CCDC110: variants seen among roughly 807,000 people sequenced by gnomAD.
The protein encoded by CCDC110 is coiled-coil domain containing 110.
A neutral mutation model predicts 77.1 loss-of-function variants in CCDC110; 70 were observed. The observed-to-expected ratio is 0.91, with a 90% CI of 0.75 to 1.11. The LOEUF (loss-of-function observed/expected upper bound fraction) is 1.11. CCDC110 is among the 50% of genes least tolerant of loss of function. The pLI, the probability that CCDC110 is intolerant of heterozygous loss-of-function variation, is 0.00. For missense variants in CCDC110, 868 were observed against 942.9 expected (o/e 0.92, Z 1.04); for synonymous variants, 295 against 312.5 (o/e 0.94, Z 0.59).
intron 6 of CCDC110, among the ~76,000 whole-genome samples, chr4:185,455,867 A>T (rs1213716918): frequency 1.3e-5 from 2 of 150,992 alleles, no homozygotes; most frequent in Non-Finnish European, 2.9e-5. Flanking sequence ...CGGGCTGACA[A>T]CAGTGAGACT....
intron 5 of CCDC110, 48 bp from the exon 6 acceptor site, chr4:185,460,286 G>T: frequency 7.2e-7 from 1 of 1,381,906 alleles, no homozygotes; most frequent in Non-Finnish European, 9.9e-7. Flanking sequence ...TTTGCCACAT[G>T]ATAAAGCAGT....
Position 185,459,343 on chromosome 4 carries a change from G to A in CCDC110, c.1244C>T (p.Ser415Phe), listed in dbSNP as rs974455251. 6.8e-6 allele frequency: 11 copies of A among 1,611,698 alleles called. No homozygotes were observed. The highest frequency in any genetic ancestry group is 9.3e-6 in the Non-Finnish European group (11 of 1,179,074). The change falls in exon 6 of 7, where the codon TCC (serine) becomes TTC (phenylalanine). Residue 415 changes from serine (S) to phenylalanine (F), a missense_variant. Transcript: ENST00000307588. ...CTGCTCAGTAACGGAATTAACTTTGGAAGTTTTCTCATTTTCAGATATTAT... is the reference window on the plus strand; with the variant it reads ...CTGCTCAGTAACGGAATTAACTTTGAAAGTTTTCTCATTTTCAGATATTAT... ...GSIISENEKT[S>F]KVNSVTEQCV...
Position 185,461,130 on chromosome 4 carries a change from G to A in CCDC110, c.267C>T (p.Asn89=). The change falls in exon 5 of 7, where the codon AAC becomes AAT. Residue 89 remains asparagine, a synonymous_variant. Coordinates refer to ENST00000307588, the MANE Select transcript of CCDC110 (RefSeq NM_152775.4). Reference sequence around the variant, plus strand: ...GGTTTTCTACTTCAATAATACTTTTGTTCAATATTTCACTGATTTCCGACT... The same window carrying A: ...GGTTTTCTACTTCAATAATACTTTTATTCAATATTTCACTGATTTCCGACT... The part of the protein sequence containing the change: ...MVQSEISEIL[N]KSIIEVENPQ... 6.3e-7 allele frequency: 1 copy of A among 1,586,938 alleles called. No homozygotes were observed. Among genetic ancestry groups the A allele is most frequent in the South Asian group, 1.2e-5 (1 of 86,724 alleles).
intron 2 of CCDC110, 28 bp from the exon 3 acceptor site, chr4:185,463,077 G>A: frequency 6.4e-7 from 1 of 1,571,266 alleles, no homozygotes; most frequent in Non-Finnish European, 8.7e-7. Flanking sequence ...AAAACCATGT[G>A]ACTTAATTCT....
intron 2 of CCDC110, among the ~76,000 whole-genome samples, chr4:185,470,052 A>G (rs1580206449): frequency 6.6e-6 from 1 of 152,258 alleles, no homozygotes; most frequent in South Asian, 2.1e-4. Flanking sequence ...TCCACCTTCA[A>G]TGTCCTCAGA....
rs1399960219 is a variant in CCDC110 at position 185,451,016 on chromosome 4, T to A, written c.2462-5474A>T. 1.2e-4 allele frequency among the ~76,000 whole-genome samples: 19 copies of A among 152,176 alleles called. 1 individual carries two copies. In the South Asian group the frequency reaches 2.1e-3, roughly 17 times the overall value. On this transcript the variant is annotated intron_variant, in intron 6 of 6. Coordinates refer to ENST00000307588, the MANE Select transcript of CCDC110 (RefSeq NM_152775.4). ...TATTGTGGGAGGGACCTGGTAGGAG[T>A]TAATTCAATCATGGAGGCAGCTTCC...
intron 2 of CCDC110, among the ~76,000 whole-genome samples, chr4:185,466,725 A>G (rs895820711): frequency 1.3e-5 from 2 of 151,922 alleles, no homozygotes; most frequent in Non-Finnish European, 2.9e-5. Flanking sequence ...GTGTGCCACC[A>G]CATCTGGCTA....
intron 6 of CCDC110, among the ~76,000 whole-genome samples, chr4:185,447,231 G>A (rs886583309): frequency 6.6e-6 from 1 of 151,258 alleles, no homozygotes; most frequent in Admixed American, 6.6e-5. Context: ...GCCCAGGCTG[G>A]AATGCAGTGG....
rs751239753 is a variant in CCDC110 at position 185,458,731 on chromosome 4, TTC to T, written c.1854_1855del (p.Lys619ArgfsTer19). ...TTGTTCCGTTTTTGCCAATCTTTCT[TTC>T]TCTTTTAGCTGGATTATCTCTAGCT... On this transcript the variant is annotated frameshift_variant, in exon 6 of 7. Coordinates refer to ENST00000307588, the MANE Select transcript of CCDC110 (RefSeq NM_152775.4). LOFTEE classifies it high-confidence loss of function. The T allele has an allele frequency of 6.2e-7, 1 of 1,605,214 alleles. No individual in the cohort carries two copies.
At position 185,466,202 on chromosome 4, in the gene CCDC110, T is replaced by C. The variant is rs375638426; in HGVS notation, c.116-3153A>G. Among the ~76,000 whole-genome samples the C allele has an allele frequency of 2.0e-4, 30 of 152,054 alleles. No individual in the cohort carries two copies. The East Asian group carries it at 3.1e-3, about 16-fold the overall frequency. On this transcript the variant is annotated intron_variant, in intron 2 of 6. Coordinates refer to ENST00000307588, the MANE Select transcript of CCDC110 (RefSeq NM_152775.4). Reference sequence around the variant, plus strand: ...CATCCTGGCTAACATGGTGAAACCCTGTCTCTACTAAAAATACAAAAAATT... The same window carrying C: ...CATCCTGGCTAACATGGTGAAACCCCGTCTCTACTAAAAATACAAAAAATT...
At position 185,459,362 on chromosome 4, in the gene CCDC110, ATAT is replaced by A. The variant is rs2095641764; in HGVS notation, c.1222_1224del (p.Ile408del). ...ACTTTGGAAGTTTTCTCATTTTCAG[ATAT>A]TATTGATCCTTGTTTTACTAGAAAT... is the stretch of plus-strand genomic sequence containing the variant. On this transcript the variant is annotated inframe_deletion, in exon 6 of 7. Transcript: ENST00000307588. 6.2e-7 allele frequency: 1 copy of A among 1,611,238 alleles called. No individual in the cohort carries two copies. Among genetic ancestry groups the A allele is most frequent in the Non-Finnish European group, 8.5e-7 (1 of 1,179,104 alleles).
intron 6 of CCDC110, among the ~76,000 whole-genome samples, chr4:185,448,221 G>T (rs531020142): frequency 6.6e-6 from 1 of 151,960 alleles, no homozygotes; most frequent in African/African-American, 2.4e-5. Flanking sequence ...GGGTTTTGCC[G>T]TGTTGGTCAG....
rs941517651 is a variant in CCDC110, at chr4:185,459,371, A to G, written c.1216T>C (p.Ser406Pro). 6.2e-7 allele frequency: 1 copy of G among 1,611,712 alleles called. No individual in the cohort carries two copies. Among genetic ancestry groups the G allele is most frequent in the African/African-American group, 1.3e-5 (1 of 74,732 alleles). ...GTTTTCTCATTTTCAGATATTATTG[A>G]TCCTTGTTTTACTAGAAATGGTTGT... ...ERQPFLVKQG[S>P]IISENEKTSK... The change falls in exon 6 of 7, where the codon TCA becomes CCA. Residue 406 changes from serine to proline, a missense_variant. By Grantham distance (74) the Ser-to-Pro change is moderately conservative. Coordinates refer to ENST00000307588, the MANE Select transcript of CCDC110 (RefSeq NM_152775.4).
In CCDC110 at chr4:185,460,192, T is replaced by C. The variant is rs1186186381; in HGVS notation, c.395A>G (p.His132Arg). 6.2e-7 allele frequency: 1 copy of C among 1,610,118 alleles called. No individual in the cohort carries two copies. Among genetic ancestry groups the C allele is most frequent in the East Asian group, 2.2e-5 (1 of 44,836 alleles). The change falls in exon 6 of 7, where the codon CAT (histidine) becomes CGT (arginine). Residue 132 changes from histidine (H) to arginine (R), a missense_variant. Transcript: ENST00000307588. ...EENLSMEKSH[H>R]FEDSKTLHSV... ...ATGAAGTGTCTTGGAATCCTCAAAA[T>C]GATGACTTTTCTCCATAGAAAGGTT...
At chr4:185,449,522 T>TAAAA in intron 6 of CCDC110, 4 of 827,046 alleles carry the variant, frequency 4.8e-6, no homozygotes, top group Middle Eastern at 2.5e-4. Context: ...GACCCGGTCT[T>TAAAA]AAAAAAAAAA....
intron 2 of CCDC110, among the ~76,000 whole-genome samples, chr4:185,463,713 G>A (rs1356138767): frequency 1.3e-5 from 2 of 152,152 alleles, no homozygotes; most frequent in African/African-American, 4.8e-5. Context: ...CCTTTGTTCT[G>A]CTTAAGTGTG....
chr4:185,458,456 T>C lies in CCDC110; in HGVS notation c.2131A>G (p.Thr711Ala), dbSNP rs533755840. The part of the protein sequence containing the change: ...CEMLSKMVME[T>A]KTDNQILKEE... ...TTTAGAATCTGATTATCTGTTTTGG[T>C]TTCCATTACCATTTTTGATAACATT... is the stretch of plus-strand genomic sequence containing the variant. The change falls in exon 6 of 7, where the codon ACC (threonine) becomes GCC (alanine). Residue 711 changes from threonine (T) to alanine (A), a missense_variant. Thr to Ala is a moderately conservative substitution (Grantham distance 58, BLOSUM62 0). Transcript: ENST00000307588. 1.9e-6 allele frequency: 3 copies of C among 1,600,412 alleles called. No homozygotes were observed. The highest frequency in any genetic ancestry group is 2.2e-5 in the East Asian group (1 of 44,696).
At chr4:185,460,677 C>A (rs890111874) in intron 5 of CCDC110, among the ~76,000 whole-genome samples, 1 of 152,172 alleles carries the variant, frequency 6.6e-6, no homozygotes, top group Non-Finnish European at 1.5e-5. Flanking sequence ...AGTGTGAGTT[C>A]GAGTCAGTGT....
Position 185,445,512 on chromosome 4 carries a change from T to G in CCDC110, c.2492A>C (p.Lys831Thr). 6.3e-7 allele frequency: 1 copy of G among 1,578,776 alleles called. No individual in the cohort carries two copies. Among genetic ancestry groups the G allele is most frequent in the South Asian group, 1.1e-5 (1 of 87,870 alleles). Reference protein sequence around the residue: ...GYFKVKDRTLKHH With the variant: ...GYFKVKDRTLTHH ...CAATCTTGAGGAATCCTAATGATGCTTGAGAGTTCTGTCTTTAACTTTGAA... is the reference window on the plus strand; with the variant it reads ...CAATCTTGAGGAATCCTAATGATGCGTGAGAGTTCTGTCTTTAACTTTGAA... Residue 831 changes from lysine to threonine, a missense_variant, in exon 7 of 7, where the codon AAG becomes ACG. Coordinates refer to ENST00000307588, the MANE Select transcript of CCDC110 (RefSeq NM_152775.4).
Sources: allele counts gnomAD v4.1 joint callset (sites outside exome capture counted in the v4.1 genomes callset), GRCh38; gene constraint gnomAD v4.1.1; transcripts MANE v1.5; gene names NCBI Gene and HGNC (gene_info 2026-07-23, HGNC 2026-07-21).